The following PXYLP1 variants were observed in gnomAD, a reference collection of about 807,000 sequenced individuals.
PXYLP1 encodes acid phosphatase-like 2.
Under a neutral mutation model 37.9 loss-of-function variants are expected in PXYLP1, and 17 were observed. The ratio of observed to expected loss-of-function variants is 0.45; its 90% CI spans 0.31 to 0.67. The LOEUF (loss-of-function observed/expected upper bound fraction) is 0.67. Ranked by LOEUF, PXYLP1 falls within the 30% of genes least tolerant of loss-of-function variation. The pLI, the probability that PXYLP1 is intolerant of heterozygous loss-of-function variation, is 0.07. For missense variants in PXYLP1, 511 were observed against 612.0 expected (o/e 0.84, Z 1.74); for synonymous variants, 221 against 232.2 (o/e 0.95, Z 0.44).
intron 5 of PXYLP1, among the ~76,000 whole-genome samples, chr3:141,288,939 A>C (rs183620501): frequency 4.6e-3 from 706 of 152,334 alleles, no homozygotes; most frequent in Non-Finnish European, 6.2e-3. Context: ...TATGCAGTTA[A>C]TTACTTAAAA....
chr3:141,285,271 T>C (rs1045718183), intron 4 of PXYLP1, among the ~76,000 whole-genome samples: 8 of 150,016 alleles, frequency 5.3e-5, no homozygotes, highest in African/African-American at 1.5e-4. Flanking sequence ...TTTAGCCTCC[T>C]GAGTGGCTGA....
At chr3:141,239,877 C>G (rs934467185) in intron 1 of PXYLP1, among the ~76,000 whole-genome samples, 1 of 152,226 alleles carries the variant, frequency 6.6e-6, no homozygotes, top group Non-Finnish European at 1.5e-5. Context: ...AGGGACCATA[C>G]CCAGCTCATC....
chr3:141,287,890 T>C (rs1216953665), intron 5 of PXYLP1, among the ~76,000 whole-genome samples: 1 of 152,276 alleles, frequency 6.6e-6, no homozygotes, highest in Non-Finnish European at 1.5e-5. Context: ...TCATTTATGA[T>C]AGCGCCATAT....
Position 141,260,144 on chromosome 3 carries a change from G to A in PXYLP1, c.-32G>A, listed in dbSNP as rs780369241. Reference sequence around the variant, plus strand: ...ACAGGACATGTTCCCGATTTGAGGTGAAACCATGAAGAGAAAATAGAATAC... The same window carrying A: ...ACAGGACATGTTCCCGATTTGAGGTAAAACCATGAAGAGAAAATAGAATAC... On this transcript the variant is annotated 5_prime_UTR_variant, in exon 2 of 6. An upstream open reading frame in the 5' UTR loses its in-frame stop. Coordinates refer to ENST00000286353, the MANE Select transcript of PXYLP1 (RefSeq NM_001037172.3). 1 of 1,613,210 alleles carries A rather than the reference G, an allele frequency of 6.2e-7. No homozygotes were observed. Among genetic ancestry groups the A allele is most frequent in the East Asian group, 2.2e-5 (1 of 44,886 alleles).
rs763593805 is a variant in PXYLP1 at position 141,292,808 on chromosome 3, C to T, written c.1046C>T (p.Ala349Val). 4.3e-6 allele frequency: 7 copies of T among 1,613,530 alleles called. No individual in the cohort carries two copies. The Admixed American group carries it at 1.0e-4, about 23-fold the overall frequency. The change falls in exon 6 of 6, where the codon GCC (alanine) becomes GTC (valine). Residue 349 changes from alanine to valine, a missense_variant. Ala to Val is a moderately conservative substitution (Grantham distance 64, BLOSUM62 0). Coordinates refer to ENST00000286353, the MANE Select transcript of PXYLP1 (RefSeq NM_001037172.3). This position sits in a 1 kb window ranked among gnomAD's most constrained non-coding sequence, Gnocchi z 4.3. ...KLYFGYSLLG[A>V]HPILNQTIGR... ...TACTTCGGGTATTCTCTCCTGGGTGCCCACCCCATCCTGAACCAAACCATC... is the reference window on the plus strand; with the variant it reads ...TACTTCGGGTATTCTCTCCTGGGTGTCCACCCCATCCTGAACCAAACCATC...
intron 1 of PXYLP1, among the ~76,000 whole-genome samples, chr3:141,257,904 C>CAAAAAAAA (rs59070598): frequency 2.5e-5 from 2 of 79,440 alleles, no homozygotes; most frequent in African/African-American, 4.3e-5. Flanking sequence ...AACTCTGTCT[C>CAAAAAAAA]AAAAAAAAAA....
chr3:141,285,247 T>C (rs1415384291), intron 4 of PXYLP1, among the ~76,000 whole-genome samples: 1 of 147,072 alleles, frequency 6.8e-6, no homozygotes, highest in Non-Finnish European at 1.5e-5. Flanking sequence ...CCTGGACTCA[T>C]GTGATCCTCC....
intron 1 of PXYLP1, among the ~76,000 whole-genome samples, chr3:141,245,666 C>T (rs190750650): frequency 1.3e-5 from 2 of 152,294 alleles, no homozygotes; most frequent in Admixed American, 1.3e-4. Flanking sequence ...AGAAGAAACA[C>T]CTCCTGCAGA....
chr3:141,250,867 G>C (rs1201397003), intron 1 of PXYLP1, among the ~76,000 whole-genome samples: 1 of 152,176 alleles, frequency 6.6e-6, no homozygotes, highest in Non-Finnish European at 1.5e-5. Flanking sequence ...TTGCTTGCTA[G>C]GGTTTTCTGT....
At chr3:141,272,384 A>G (rs1941684857) in intron 2 of PXYLP1, among the ~76,000 whole-genome samples, 1 of 152,066 alleles carries the variant, frequency 6.6e-6, no homozygotes, top group South Asian at 2.1e-4. Flanking sequence ...TTTCTATTCC[A>G]TGGGGACCAT....
rs2148853672 is a variant in PXYLP1, at chr3:141,293,744, A to C, written c.*539A>C. 1 of 155,736 alleles carries C rather than the reference A, an allele frequency of 6.4e-6. No individual in the cohort carries two copies. Among genetic ancestry groups the C allele is most frequent in the East Asian group, 1.9e-4 (1 of 5,242 alleles). 9.6% of individuals were successfully genotyped at this position (155,736 alleles called of 1,614,324 possible). On this transcript the variant is annotated 3_prime_UTR_variant, in exon 6 of 6. Coordinates refer to ENST00000286353, the MANE Select transcript of PXYLP1 (RefSeq NM_001037172.3). ...AACTACTCAACTCTGTTTCTGAAGC[A>C]GGAAAGCCACCACAGACAGTACATA...
intron 1 of PXYLP1, among the ~76,000 whole-genome samples, chr3:141,244,749 G>A (rs1183405630): frequency 6.6e-6 from 1 of 150,956 alleles, no homozygotes; most frequent in African/African-American, 2.4e-5. Context: ...GTTTCCCTAT[G>A]GATGAACATT....
chr3:141,275,262 G>A (rs1941764029), intron 2 of PXYLP1, among the ~76,000 whole-genome samples: 1 of 152,158 alleles, frequency 6.6e-6, no homozygotes, highest in South Asian at 2.1e-4. Context: ...TGCTTCCTTG[G>A]GTCATGGGTG....
intron 1 of PXYLP1, among the ~76,000 whole-genome samples, chr3:141,241,413 G>A (rs1030309452): frequency 6.6e-6 from 1 of 151,292 alleles, no homozygotes; most frequent in Non-Finnish European, 1.5e-5. Flanking sequence ...AAGCTGACAT[G>A]AGTCTGTCGT....
At chr3:141,274,489 A>T in intron 2 of PXYLP1, 1 of 1,521,550 alleles carries the variant, frequency 6.6e-7, no homozygotes, top group South Asian at 1.2e-5. Context: ...AGGCCCAGCT[A>T]GGTGTCTCCT....
intron 2 of PXYLP1, among the ~76,000 whole-genome samples, chr3:141,277,693 A>G (rs1369498033): frequency 6.6e-6 from 1 of 152,222 alleles, no homozygotes; most frequent in East Asian, 1.9e-4. Context: ...GTGAAGGGTC[A>G]GCTCACTAAT....
chr3:141,261,006 C>G (rs1413004155), intron 2 of PXYLP1, among the ~76,000 whole-genome samples: 1 of 152,234 alleles, frequency 6.6e-6, no homozygotes, highest in Non-Finnish European at 1.5e-5. Flanking sequence ...TCCTCACCCC[C>G]TCTCATTGTT....
intron 4 of PXYLP1, among the ~76,000 whole-genome samples, chr3:141,286,780 G>A (rs944603333): frequency 6.6e-6 from 1 of 152,206 alleles, no homozygotes; most frequent in African/African-American, 2.4e-5. Flanking sequence ...AGAGGGGCAT[G>A]CTTAATCAGC....
Position 141,287,308 on chromosome 3 carries a change from C to G in PXYLP1, c.366-6C>G. 5 of 1,613,822 alleles carry G rather than the reference C, an allele frequency of 3.1e-6. No individual in the cohort carries two copies. The highest frequency in any genetic ancestry group is 1.3e-5 in the African/African-American group (1 of 75,026). On this transcript the variant is annotated splice_region_variant and splice_polypyrimidine_tract_variant and intron_variant, in intron 4 of 5. Transcript: ENST00000286353. Reference sequence around the variant, plus strand: ...TGACCTCTAACTCTCTCTATCATCTCTCTAGGAAACCGTATCACCCAAAAC... The same window carrying G: ...TGACCTCTAACTCTCTCTATCATCTGTCTAGGAAACCGTATCACCCAAAAC...
Sources: allele counts gnomAD v4.1 joint callset (sites outside exome capture counted in the v4.1 genomes callset), GRCh38; gene constraint gnomAD v4.1.1; non-coding constraint Gnocchi (gnomAD v3.1); transcripts MANE v1.5; gene names NCBI Gene and HGNC (gene_info 2026-07-23, HGNC 2026-07-21).